The following GMDS variants were observed in gnomAD, a reference collection of about 807,000 sequenced individuals.
The protein encoded by GMDS is GDP-mannose 4,6 dehydratase.
In GMDS, 20 loss-of-function variants were observed where a neutral mutation model predicts 49.9. The observed-to-expected ratio is 0.40, with a 90% CI of 0.28 to 0.58. The LOEUF (loss-of-function observed/expected upper bound fraction) is 0.58, where lower values mean the gene tolerates loss of function less well. Among genes scored for constraint, GMDS ranks in the 20% least tolerant of loss-of-function variants. The pLI, the probability that GMDS is intolerant of heterozygous loss-of-function variation, is 0.42. For missense variants in GMDS, 362 were observed against 481.4 expected (o/e 0.75, Z 2.32); for synonymous variants, 177 against 178.6 (o/e 0.99, Z 0.07).
At chr6:1,741,599 T>C (rs1767270990) in intron 8 of GMDS, among the ~76,000 whole-genome samples, 1 of 151,760 alleles carries the variant, frequency 6.6e-6, no homozygotes, top group South Asian at 2.1e-4. Context: ...TCACCTGAGG[T>C]CAGGAGTTCG....
chr6:1,992,861 A>C (rs1227468808), intron 4 of GMDS, among the ~76,000 whole-genome samples: 3 of 152,218 alleles, frequency 2.0e-5, no homozygotes, highest in African/African-American at 7.2e-5. Context: ...GAGTGTGTTG[A>C]TCTACAGGAG....
chr6:1,737,727 AACACACACACACAT>A (rs1767067210), intron 8 of GMDS, among the ~76,000 whole-genome samples: 1 of 137,852 alleles, frequency 7.3e-6, no homozygotes, highest in Admixed American at 7.4e-5. Context: ...ACACACCACA[AACACACACACACAT>A]ACACATACAC....
intron 9 of GMDS, among the ~76,000 whole-genome samples, chr6:1,636,680 G>A (rs547017320): frequency 2.5e-4 from 38 of 152,326 alleles, no homozygotes; most frequent in African/African-American, 8.4e-4. Flanking sequence ...CTGACACCAT[G>A]AGCCTAGGAT....
intron 1 of GMDS, among the ~76,000 whole-genome samples, chr6:2,150,830 C>T (rs914919072): frequency 6.6e-6 from 1 of 152,062 alleles, no homozygotes; most frequent in Non-Finnish European, 1.5e-5. Flanking sequence ...TTATATGATA[C>T]CTAATACAAG....
At chr6:2,071,013 C>G (rs1025683345) in intron 4 of GMDS, among the ~76,000 whole-genome samples, 1 of 152,052 alleles carries the variant, frequency 6.6e-6, no homozygotes, top group Non-Finnish European at 1.5e-5. Context: ...AGAAATGACA[C>G]CCAGAAACCC....
At chr6:2,006,764 C>T (rs1362304296) in intron 4 of GMDS, among the ~76,000 whole-genome samples, 2 of 152,032 alleles carry the variant, frequency 1.3e-5, no homozygotes, top group Non-Finnish European at 2.9e-5. Flanking sequence ...AAATTAATCA[C>T]ACAAAATTAC....
chr6:1,916,746 C>T (rs1761424102), intron 7 of GMDS, among the ~76,000 whole-genome samples: 1 of 152,172 alleles, frequency 6.6e-6, no homozygotes, highest in South Asian at 2.1e-4. Context: ...ATAGATGACT[C>T]ATTAGCCAGC....
At chr6:1,831,304 C>T (rs551062562) in intron 7 of GMDS, among the ~76,000 whole-genome samples, 1 of 152,326 alleles carries the variant, frequency 6.6e-6, no homozygotes, top group South Asian at 2.1e-4. Context: ...GCAAGAATGC[C>T]TGTACTCTGG....
At chr6:1,748,316 T>C (rs1036732704) in intron 7 of GMDS, among the ~76,000 whole-genome samples, 2 of 152,198 alleles carry the variant, frequency 1.3e-5, no homozygotes, top group South Asian at 2.1e-4. Flanking sequence ...ATCTCTTCTA[T>C]TCAATTTCTT....
At chr6:1,725,436 T>C (rs74489338) in intron 9 of GMDS, among the ~76,000 whole-genome samples, 4 of 147,092 alleles carry the variant, frequency 2.7e-5, no homozygotes, top group African/African-American at 4.9e-5. Context: ...TAGTGTAAGA[T>C]TTTTTTTTTT....
At chr6:1,668,778 T>C (rs1238468832) in intron 9 of GMDS, among the ~76,000 whole-genome samples, 1 of 151,992 alleles carries the variant, frequency 6.6e-6, no homozygotes, top group East Asian at 1.9e-4. Flanking sequence ...CAGAACACTC[T>C]CCATTAAGGG....
chr6:1,642,153 C>CTTTTTT (rs543577735), intron 9 of GMDS, among the ~76,000 whole-genome samples: 2 of 110,762 alleles, frequency 1.8e-5, no homozygotes, highest in Non-Finnish European at 3.5e-5. Context: ...CAGTTTCCAT[C>CTTTTTT]TTTTTTTTTT....
At chr6:1,655,377 C>G (rs1400687511) in intron 9 of GMDS, among the ~76,000 whole-genome samples, 1 of 152,026 alleles carries the variant, frequency 6.6e-6, no homozygotes, top group African/African-American at 2.4e-5. Context: ...TAAGCTATTT[C>G]ATATTGCACT....
intron 4 of GMDS, among the ~76,000 whole-genome samples, chr6:2,047,592 G>A (rs571308989): frequency 3.3e-5 from 5 of 152,114 alleles, no homozygotes; most frequent in African/African-American, 9.6e-5. Context: ...GGGTTCCAGC[G>A]ATTCTCCTGC....
At chr6:1,936,241 G>A (rs868393527) in intron 6 of GMDS, among the ~76,000 whole-genome samples, 1 of 152,198 alleles carries the variant, frequency 6.6e-6, no homozygotes, top group African/African-American at 2.4e-5. Flanking sequence ...GCTACAGGAA[G>A]CAGTGAAGCA....
chr6:1,631,745 C>T (rs1581389798), intron 9 of GMDS, among the ~76,000 whole-genome samples: 2 of 152,280 alleles, frequency 1.3e-5, no homozygotes, highest in Admixed American at 1.3e-4. Flanking sequence ...TACCCACAGG[C>T]TCCTCCAAAT....
intron 6 of GMDS, among the ~76,000 whole-genome samples, chr6:1,946,878 A>C (rs901342269): frequency 2.0e-5 from 3 of 152,196 alleles, no homozygotes; most frequent in African/African-American, 7.2e-5. Flanking sequence ...TTTCACAAGG[A>C]GCACTCAACT....
At chr6:1,624,412 G>T in intron 10 of GMDS, 60 bp downstream of exon 10, 2 of 1,486,054 alleles carry the variant, frequency 1.3e-6, no homozygotes, top group Non-Finnish European at 1.9e-6. Flanking sequence ...GACCCTGAGA[G>T]CTGCCGCCCT....
chr6:2,236,183 A>T (rs1781349411), intron 1 of GMDS, among the ~76,000 whole-genome samples: 1 of 152,234 alleles, frequency 6.6e-6, no homozygotes, highest in Non-Finnish European at 1.5e-5. Context: ...ACTGTGGTGC[A>T]TACCCACTGC....
Sources: allele counts gnomAD v4.1 joint callset (sites outside exome capture counted in the v4.1 genomes callset), GRCh38; gene constraint gnomAD v4.1.1; transcripts MANE v1.5; gene names NCBI Gene and HGNC (gene_info 2026-07-23, HGNC 2026-07-21).